Variants in NOTCH4 observed in about 807,000 individuals in gnomAD.
The protein encoded by NOTCH4 is neurogenic locus notch homolog protein 4.
Under a neutral mutation model 189.0 loss-of-function variants are expected in NOTCH4, and 138 were observed. That is an observed-to-expected ratio of 0.73 (90% CI 0.64 to 0.84). The LOEUF is 0.84. Among genes scored for constraint, NOTCH4 ranks in the 40% least tolerant of loss-of-function variants. The pLI is 0.00. For synonymous variants in NOTCH4, 942 were observed against 1,032.8 expected (o/e 0.91, Z 1.69); for missense variants, 2,286 against 2,605.4 (o/e 0.88, Z 2.67).
rs892397154 is a variant in NOTCH4 at position 32,202,021 on chromosome 6, C to T, written c.3755+55G>A. On this transcript the variant is annotated intron_variant, in intron 21 of 29. Coordinates refer to ENST00000375023, the MANE Select transcript of NOTCH4 (RefSeq NM_004557.4). This position sits in a 1 kb window ranked among gnomAD's most constrained non-coding sequence, Gnocchi z 5.7. ...TAACTCAGAGCCATCTACGTCCTTC[C>T]TCCTCCTCTCACCCACCCCTCTCCT... is the stretch of plus-strand genomic sequence containing the variant. 6.8e-5 allele frequency: 96 copies of T among 1,411,556 alleles called. No individual in the cohort carries two copies. Among genetic ancestry groups the T allele is most frequent in the Non-Finnish European group, 8.9e-5 (95 of 1,073,214 alleles). The allele number at this position is 1,411,556 out of a possible 1,614,324, so 87.4% of individuals were successfully genotyped here.
rs1337237740 is a variant in NOTCH4 at position 32,212,794 on chromosome 6, C to T, written c.2526+30G>A. On this transcript the variant is annotated intron_variant, in intron 16 of 29. Coordinates refer to ENST00000375023, the MANE Select transcript of NOTCH4 (RefSeq NM_004557.4). The surrounding 1 kb of genome is among the most constrained non-coding windows in gnomAD (Gnocchi z 4.4). ...GGTTTCCCTCCCAGCCACTTCCCTC[C>T]TCAGCACGCCTGACTTCAATGGCCC... is the stretch of plus-strand genomic sequence containing the variant. The T allele has an allele frequency of 6.7e-7, 1 of 1,495,852 alleles. No homozygotes were observed. Among genetic ancestry groups the T allele is most frequent in the South Asian group, 1.3e-5 (1 of 75,476 alleles). The allele number at this position is 1,495,852 out of a possible 1,614,324, so 92.7% of individuals were successfully genotyped here.
At chr6:32,214,551 A>G (rs1192799414) in intron 12 of NOTCH4, among the ~76,000 whole-genome samples, 1 of 150,824 alleles carries the variant, frequency 6.6e-6, no homozygotes, top group Admixed American at 6.6e-5. Context: ...AAGCTCTACG[A>G]GAGCAGTTGC....
chr6:32,219,984 A>G (rs1364295154), intron 7 of NOTCH4, 145 bp downstream of exon 7: 2 of 970,578 alleles, frequency 2.1e-6, no homozygotes, highest in Non-Finnish European at 3.1e-6. Flanking sequence ...AGAGAGGGTC[A>G]TGTAGGCAAG....
chr6:32,195,510 GA>G lies in NOTCH4; in HGVS notation c.5938del (p.Ser1980HisfsTer16). 6.2e-7 allele frequency: 1 copy of G among 1,613,060 alleles called. No individual in the cohort carries two copies. The highest frequency in any genetic ancestry group is 8.5e-7 in the Non-Finnish European group (1 of 1,179,992). On this transcript the variant is annotated frameshift_variant, in exon 30 of 30. Coordinates refer to ENST00000375023, the MANE Select transcript of NOTCH4 (RefSeq NM_004557.4). LOFTEE classifies it low-confidence loss of function (END_TRUNC). This position sits in a 1 kb window ranked among gnomAD's most constrained non-coding sequence, Gnocchi z 5.4. ...PCLTPSPERG[S>X]PQLDCGPPAL... is the part of the protein sequence containing the mutation. ...TGGGGGACCACAGTCAAGTTGAGGT[GA>G]TCCCCGCTCCGGGGACGGAGTAAGG... is the stretch of plus-strand genomic sequence containing the variant.
At chr6:32,205,961 C>T (rs527851524) in intron 18 of NOTCH4, among the ~76,000 whole-genome samples, 134 of 151,770 alleles carry the variant, frequency 8.8e-4, no homozygotes, top group African/African-American at 3.1e-3. Context: ...TGCTTGAGCC[C>T]GGGAGGTAGA....
chr6:32,195,707 A>G lies in NOTCH4; in HGVS notation c.5742T>C (p.Arg1914=), dbSNP rs2127458125. The G allele has an allele frequency of 3.7e-6, 6 of 1,612,888 alleles. No homozygotes were observed. Among genetic ancestry groups the G allele is most frequent in the Non-Finnish European group, 5.1e-6 (6 of 1,179,962 alleles). Residue 1914 remains arginine (R), a synonymous_variant, in exon 30 of 30, where the codon CGT becomes CGC. Transcript: ENST00000375023. This position sits in a 1 kb window ranked among gnomAD's most constrained non-coding sequence, Gnocchi z 5.4. ...GAGGGPTPRG[R]RFSAGMRGPR... is the part of the protein sequence containing the mutation. ...GCCCGCGCATGCCTGCAGAAAACCT[A>G]CGGCCGCGAGGGGTCGGGCCTCCTC...
chr6:32,203,527 G>A, intron 20 of NOTCH4: 2 of 518,170 alleles, frequency 3.9e-6, no homozygotes, highest in Non-Finnish European at 3.4e-6. Flanking sequence ...TTGAGCTTGG[G>A]GAGCTCCTGA....
Position 32,222,535 on chromosome 6 carries a change from A to C in NOTCH4, c.427T>G (p.Cys143Gly). 6.4e-7 allele frequency: 1 copy of C among 1,552,744 alleles called. No individual in the cohort carries two copies. The highest frequency in any genetic ancestry group is 1.2e-5 in the South Asian group (1 of 80,046). The change falls in exon 3 of 30, where the codon TGC (cysteine) becomes GGC (glycine). Residue 143 changes from cysteine (C) to glycine (G), a missense_variant. Around this residue, in one of 2 missense-constraint regions of NOTCH4, gnomAD observed 1,903 missense variants for 2,261.9 expected, o/e 0.84. Transcript: ENST00000375023. ...CHIQASGRPQ[C>G]SCMPGWTGEQ... is the part of the protein sequence containing the mutation. Reference sequence around the variant, plus strand: ...CCTGTCCATCCAGGCATGCAGGAGCACTGTGGGCGGCCCGAGGCCTGGATG... The same window carrying C: ...CCTGTCCATCCAGGCATGCAGGAGCCCTGTGGGCGGCCCGAGGCCTGGATG...
rs551779042 is a variant in NOTCH4 at position 32,198,101 on chromosome 6, G to T, written c.4756+320C>A. Among the ~76,000 whole-genome samples, 2 of 151,936 alleles carry T rather than the reference G, an allele frequency of 1.3e-5. No individual in the cohort carries two copies. The highest frequency in any genetic ancestry group is 2.9e-5 in the Non-Finnish European group (2 of 67,956). On this transcript the variant is annotated intron_variant, in intron 26 of 29. Coordinates refer to ENST00000375023, the MANE Select transcript of NOTCH4 (RefSeq NM_004557.4). This position sits in a 1 kb window ranked among gnomAD's most constrained non-coding sequence, Gnocchi z 5.5. Reference sequence around the variant, plus strand: ...CTCCCAAAGTGCTGGGATTACAGGCGTGAGCCACCACGCCCGGCCTAGCAG... The same window carrying T: ...CTCCCAAAGTGCTGGGATTACAGGCTTGAGCCACCACGCCCGGCCTAGCAG...
intron 15 of NOTCH4, 93 bp from the exon 16 acceptor site, chr6:32,213,004 G>A: frequency 7.5e-7 from 1 of 1,339,444 alleles, no homozygotes; most frequent in South Asian, 1.3e-5. Context: ...CCACAGGGAG[G>A]TGGCAAGCCA....
intron 18 of NOTCH4, among the ~76,000 whole-genome samples, chr6:32,205,504 C>T (rs569200717): frequency 3.3e-4 from 45 of 134,686 alleles, no homozygotes; most frequent in African/African-American, 1.0e-3. Flanking sequence ...ACCGAGATCG[C>T]GCCACTGTAC....
chr6:32,201,309 G>T lies in NOTCH4; in HGVS notation c.3947C>A (p.Ala1316Asp). The T allele has an allele frequency of 6.2e-7, 1 of 1,612,848 alleles. No homozygotes were observed. The highest frequency in any genetic ancestry group is 8.5e-7 in the Non-Finnish European group (1 of 1,179,900). Residue 1316 changes from alanine (A) to aspartate (D), a missense_variant, in exon 22 of 30, where the codon GCC becomes GAC. Transcript: ENST00000375023. The surrounding 1 kb of genome is among the most constrained non-coding windows in gnomAD (Gnocchi z 5.5). Reference protein sequence around the residue: ...PALDQQLFALARVLSLTLRVG... With the variant: ...PALDQQLFALDRVLSLTLRVG... The stretch of plus-strand genomic sequence containing the variant: ...CCTCAGAGTCAGGGACAGCACCCGG[G>T]CCAGGGCAAACAGCTGCTGGTCTAG...
At chr6:32,216,840 T>C in intron 11 of NOTCH4, 105 bp downstream of exon 11, 5 of 1,293,032 alleles carry the variant, frequency 3.9e-6, no homozygotes, top group Non-Finnish European at 5.6e-6. Flanking sequence ...ACCATTCTCA[T>C]TCTATTCTCA....
At position 32,222,544 on chromosome 6, in the gene NOTCH4, G is replaced by A. The variant is rs1033015617; in HGVS notation, c.418C>T (p.Arg140Cys). 8.3e-6 allele frequency: 13 copies of A among 1,560,804 alleles called. No homozygotes were observed. Among genetic ancestry groups the A allele is most frequent in the African/African-American group, 5.5e-5 (4 of 72,388 alleles). Residue 140 changes from arginine to cysteine, a missense_variant, in exon 3 of 30, where the codon CGC (arginine) becomes TGC (cysteine). Arg to Cys is a radical substitution (Grantham distance 180, BLOSUM62 -3). Coordinates refer to ENST00000375023, the MANE Select transcript of NOTCH4 (RefSeq NM_004557.4). ...CCAGGCATGCAGGAGCACTGTGGGC[G>A]GCCCGAGGCCTGGATGTGGCAGCGG... ...RGRCHIQASG[R>C]PQCSCMPGWT...
chr6:32,197,820 T>TA (rs1337807797), intron 26 of NOTCH4, among the ~76,000 whole-genome samples: 8 of 52,388 alleles, frequency 1.5e-4, no homozygotes, highest in Non-Finnish European at 3.9e-4. Flanking sequence ...TGGTTTTCTC[T>TA]TTTTTTTTTT....
At position 32,210,615 on chromosome 6, in the gene NOTCH4, T is replaced by C; in HGVS notation, c.2865+137A>G. ...CAGGAGATAAAGTGGCATGACTTTGTGGTTAGTTGGGTGTGTGGGGTTAAA... is the reference window on the plus strand; with the variant it reads ...CAGGAGATAAAGTGGCATGACTTTGCGGTTAGTTGGGTGTGTGGGGTTAAA... On this transcript the variant is annotated intron_variant, in intron 18 of 29. Coordinates refer to ENST00000375023, the MANE Select transcript of NOTCH4 (RefSeq NM_004557.4). This position sits in a 1 kb window ranked among gnomAD's most constrained non-coding sequence, Gnocchi z 4.8. 1 of 777,816 alleles carries C rather than the reference T, an allele frequency of 1.3e-6. No individual in the cohort carries two copies. The highest frequency in any genetic ancestry group is 2.1e-6 in the Non-Finnish European group (1 of 475,370). The allele number at this position is 777,816 out of a possible 1,614,324, so 48.2% of individuals were successfully genotyped here. A position where few individuals can be genotyped will look rare whatever the true frequency, so the allele number is the denominator to read the frequency against.
chr6:32,213,939 T>C lies in NOTCH4; in HGVS notation c.2168-99A>G, dbSNP rs1789202156. ...CTTCCCTTCCTCATCCCCAACCCTA[T>C]TATTCTTTCCCATCAACCTCCGTTC... On this transcript the variant is annotated intron_variant, in intron 13 of 29. Transcript: ENST00000375023. 7 of 1,494,646 alleles carry C rather than the reference T, an allele frequency of 4.7e-6. No homozygotes were observed. The African/African-American group carries it at 6.9e-5, about 15-fold the overall frequency. 92.6% of individuals were successfully genotyped at this position (1,494,646 alleles called of 1,614,324 possible).
At position 32,202,516 on chromosome 6, in the gene NOTCH4, G is replaced by A; in HGVS notation, c.3315C>T (p.Ser1105=). 2 of 1,612,308 alleles carry A rather than the reference G, an allele frequency of 1.2e-6. No homozygotes were observed. The highest frequency in any genetic ancestry group is 1.7e-6 in the Non-Finnish European group (2 of 1,179,442). ...HCHHGGLCLP[S]PKPGFPPRCA... ...AGCGTGGTGGGAAGCCTGGCTTAGG[G>A]GAGGGCAGACACAGGCCTCCGTGGT... is the stretch of plus-strand genomic sequence containing the variant. The change falls in exon 21 of 30, where the codon TCC becomes TCT. Residue 1105 remains serine (S), a synonymous_variant. Coordinates refer to ENST00000375023, the MANE Select transcript of NOTCH4 (RefSeq NM_004557.4). This position sits in a 1 kb window ranked among gnomAD's most constrained non-coding sequence, Gnocchi z 5.7.
rs926903696 is a variant in NOTCH4 at position 32,219,789 on chromosome 6, G to T, written c.1316-3C>A. On this transcript the variant is annotated splice_polypyrimidine_tract_variant and splice_region_variant and intron_variant, in intron 7 of 29. Coordinates refer to ENST00000375023, the MANE Select transcript of NOTCH4 (RefSeq NM_004557.4). Reference sequence around the variant, plus strand: ...ACAGGGACTTGGGCCTTGCTGGGCTGGGAGGAGAGAAGAGCTGGGAGTCCA... The same window carrying T: ...ACAGGGACTTGGGCCTTGCTGGGCTTGGAGGAGAGAAGAGCTGGGAGTCCA... 1 of 1,610,730 alleles carries T rather than the reference G, an allele frequency of 6.2e-7. No individual in the cohort carries two copies. The highest frequency in any genetic ancestry group is 1.3e-5 in the African/African-American group (1 of 74,842).
Sources: gnomAD v4.1 joint callset for allele counts (sites outside exome capture counted in the v4.1 genomes callset) on GRCh38, gnomAD v4.1.1 for gene constraint, gnomAD v4.1.1 regional missense constraint, Gnocchi (gnomAD v3.1) non-coding constraint, MANE v1.5 for transcripts, NCBI Gene and HGNC (gene_info 2026-07-23, HGNC 2026-07-21) for gene names.